CCDC102B: variants seen among roughly 807,000 people sequenced by gnomAD.
The protein encoded by CCDC102B is coiled-coil domain containing 102B, also known as coiled-coil domain-containing protein 102B.
Under a neutral mutation model 57.4 loss-of-function variants are expected in CCDC102B, and 75 were observed. The observed-to-expected ratio is 1.31, with a 90% confidence interval of 1.08 to 1.58. The LOEUF (loss-of-function observed/expected upper bound fraction) is 1.58. CCDC102B is among the 40% of genes most tolerant of loss of function. The pLI, the probability that CCDC102B is intolerant of heterozygous loss-of-function variation, is 0.00. For missense variants in CCDC102B, 636 were observed against 582.6 expected, an observed-to-expected ratio of 1.09 and a Z score of -0.94; for synonymous variants, 206 against 201.9, an observed-to-expected ratio of 1.02 and a Z score of -0.17.
intron 7 of CCDC102B, among the ~76,000 whole-genome samples, chr18:69,023,388 A>G (rs1244253011): frequency 1.3e-5 from 2 of 152,146 alleles, no homozygotes; most frequent in African/African-American, 4.8e-5. Context: ...TTGAACTAGG[A>G]TTTGGGTGGA....
At chr18:68,784,433 A>G (rs1376445129) in intron 2 of CCDC102B, among the ~76,000 whole-genome samples, 1 of 151,734 alleles carries the variant, frequency 6.6e-6, no homozygotes, top group Non-Finnish European at 1.5e-5. Flanking sequence ...TGATCCAGTC[A>G]CCTCCCATCA....
At chr18:68,989,780 G>T (rs937682788) in intron 6 of CCDC102B, among the ~76,000 whole-genome samples, 1 of 152,138 alleles carries the variant, frequency 6.6e-6, no homozygotes, top group Non-Finnish European at 1.5e-5. Flanking sequence ...TGTTTCGGTC[G>T]TGGGTGCTCT....
intron 4 of CCDC102B, among the ~76,000 whole-genome samples, chr18:68,849,086 A>T (rs1381221312): frequency 1.3e-5 from 2 of 152,106 alleles, no homozygotes; most frequent in Non-Finnish European, 2.9e-5. Flanking sequence ...TCAGAGACAC[A>T]GGCATTGTTG....
At chr18:68,740,124 T>C (rs2033319648) in intron 2 of CCDC102B, among the ~76,000 whole-genome samples, 1 of 152,174 alleles carries the variant, frequency 6.6e-6, no homozygotes, top group Non-Finnish European at 1.5e-5. Context: ...TTTAGGATGT[T>C]TACCAGCACC....
chr18:68,793,871 AG>A (rs1163770079), upstream of CCDC102B, among the ~76,000 whole-genome samples: 1 of 152,218 alleles, frequency 6.6e-6, no homozygotes, highest in Non-Finnish European at 1.5e-5. Context: ...TATTGGAATC[AG>A]GAACTGCCCC....
chr18:68,855,403 C>G (rs189377514), intron 4 of CCDC102B, among the ~76,000 whole-genome samples: 1 of 152,250 alleles, frequency 6.6e-6, no homozygotes, highest in Non-Finnish European at 1.5e-5. Context: ...AGTTAGAAGG[C>G]ATAAATGCTG....
chr18:68,878,459 G>A (rs1392813084), intron 5 of CCDC102B, among the ~76,000 whole-genome samples: 3 of 152,142 alleles, frequency 2.0e-5, no homozygotes, highest in African/African-American at 7.2e-5. Context: ...CTGAATGTGT[G>A]TGTGTTCCCC....
In CCDC102B at chr18:68,835,810, C is replaced by T. The variant is rs548940270; in HGVS notation, c.-15-939C>T. Among the ~76,000 whole-genome samples, 13 of 152,244 alleles carry T rather than the reference C, an allele frequency of 8.5e-5. No homozygotes were observed. The South Asian group carries it at 1.7e-3, about 19-fold the overall frequency. ...AGAACTATGTCCTTATTCAAACACA[C>T]GGAAGGCAGAGGAAAGAGAGTTCCT... On this transcript the variant is annotated intron_variant, in intron 1 of 7. Coordinates refer to ENST00000360242, the MANE Select transcript of CCDC102B (RefSeq NM_024781.3).
rs1220439600 is a variant in CCDC102B, at chr18:68,945,931, AT to A, written c.1263+48511del. Reference sequence around the variant, plus strand: ...GCCTTTCTTAAATGGTCACTTTATTATTTTTTTTCTAACATACATTATGTGT... The same window carrying A: ...GCCTTTCTTAAATGGTCACTTTATTATTTTTTTCTAACATACATTATGTGT... On this transcript the variant is annotated intron_variant, in intron 6 of 7. Coordinates refer to ENST00000360242, the MANE Select transcript of CCDC102B (RefSeq NM_024781.3). Among the ~76,000 whole-genome samples, 8 of 151,452 alleles carry A rather than the reference AT, an allele frequency of 5.3e-5. No homozygotes were observed. In the East Asian group the frequency reaches 1.4e-3, roughly 26 times the overall value.
At chr18:69,005,526 A>G (rs796352731) in intron 6 of CCDC102B, among the ~76,000 whole-genome samples, 2 of 152,154 alleles carry the variant, frequency 1.3e-5, no homozygotes, top group African/African-American at 4.8e-5. Flanking sequence ...TATTAGATAC[A>G]TATAAACTGA....
chr18:68,818,260 T>C (rs2036564707), intron 1 of CCDC102B, among the ~76,000 whole-genome samples: 1 of 152,182 alleles, frequency 6.6e-6, no homozygotes, highest in African/African-American at 2.4e-5. Context: ...TATGTTGTGA[T>C]AGTATTCTGT....
intron 4 of CCDC102B, among the ~76,000 whole-genome samples, chr18:68,871,436 A>G (rs1236441867): frequency 2.0e-5 from 3 of 152,172 alleles, no homozygotes; most frequent in Non-Finnish European, 4.4e-5. Context: ...TTACAAATCC[A>G]TTAATCTAAA....
intron 2 of CCDC102B, among the ~76,000 whole-genome samples, chr18:68,737,010 G>T (rs776151587): frequency 1.2e-4 from 18 of 152,120 alleles, no homozygotes; most frequent in Non-Finnish European, 2.6e-4. Flanking sequence ...ACAAGAGTTG[G>T]TTAAGTCTTG....
At chr18:68,743,874 T>C (rs1478713733) in intron 2 of CCDC102B, among the ~76,000 whole-genome samples, 1 of 152,252 alleles carries the variant, frequency 6.6e-6, no homozygotes, top group Non-Finnish European at 1.5e-5. Flanking sequence ...TTTGTTGTTG[T>C]CATTGTTTCT....
intron 6 of CCDC102B, among the ~76,000 whole-genome samples, chr18:68,969,478 C>CT (rs74175340): frequency 0.042 from 5,706 of 137,188 alleles, 207 homozygotes; most frequent in African/African-American, 0.097. Context: ...TCCTTTTAAT[C>CT]TTTTTTTTTT....
intron 2 of CCDC102B, among the ~76,000 whole-genome samples, chr18:68,756,636 T>G (rs554381015): frequency 1.3e-5 from 2 of 152,188 alleles, no homozygotes; most frequent in Admixed American, 1.3e-4. Context: ...CTGCTTGGGG[T>G]TTTGCAGTAT....
At chr18:68,931,806 G>A (rs961147625) in intron 6 of CCDC102B, among the ~76,000 whole-genome samples, 1 of 151,780 alleles carries the variant, frequency 6.6e-6, no homozygotes, top group Non-Finnish European at 1.5e-5. Flanking sequence ...CATATCCATT[G>A]GCTAAAACTC....
chr18:68,758,605 T>G (rs1467779733), intron 2 of CCDC102B, among the ~76,000 whole-genome samples: 1 of 151,826 alleles, frequency 6.6e-6, no homozygotes, highest in Non-Finnish European at 1.5e-5. Context: ...CAAAATCCAA[T>G]GGTGCTGGAG....
chr18:68,862,288 C>T (rs1807210487), intron 4 of CCDC102B, among the ~76,000 whole-genome samples: 1 of 151,998 alleles, frequency 6.6e-6, no homozygotes, highest in African/African-American at 2.4e-5. Context: ...TGGCTTTTTC[C>T]TGGCCTTTCA....
Sources: allele counts gnomAD v4.1 joint callset (sites outside exome capture counted in the v4.1 genomes callset), GRCh38; gene constraint gnomAD v4.1.1; transcripts MANE v1.5; gene names NCBI Gene and HGNC (gene_info 2026-07-23, HGNC 2026-07-21).